Variants in KDM5D observed in about 807,000 individuals in gnomAD.
The protein encoded by KDM5D is lysine demethylase 5D, also known as lysine-specific demethylase 5D.
In KDM5D, 25 loss-of-function variants were observed where a neutral mutation model predicts 31.9. The ratio of observed to expected loss-of-function variants is 0.78; its 90% CI spans 0.57 to 1.09. The LOEUF (loss-of-function observed/expected upper bound fraction) is 1.09. Among genes scored for constraint, KDM5D ranks in the 50% least tolerant of loss-of-function variants. KDM5D has a pLI of 0.00. For missense variants in KDM5D, 366 were observed against 341.6 expected, an observed-to-expected ratio of 1.07 and a Z score of -0.56; for synonymous variants, 146 against 122.3, an observed-to-expected ratio of 1.19 and a Z score of -1.28.
chrY:19,717,055 TCAAA>T (rs2045354676), intron 13 of KDM5D, among the ~76,000 whole-genome samples: 1 of 33,153 alleles, frequency 3.0e-5, no homozygotes. Context: ...GTCCCTCTAC[TCAAA>T]CAATGATCTA....
intron 8 of KDM5D, among the ~76,000 whole-genome samples, chrY:19,733,927 A>C: frequency 3.0e-5 from 1 of 33,438 alleles, no homozygotes. Flanking sequence ...TCATAAAATA[A>C]AAATCTTTTA....
At chrY:19,727,169 A>T in intron 11 of KDM5D, among the ~76,000 whole-genome samples, 1 of 33,855 alleles carries the variant, frequency 3.0e-5, no homozygotes, top group African/African-American at 1.1e-4. Context: ...ACCATAAAAG[A>T]GAAAATTTGG....
intron 1 of KDM5D, 49 bp from the exon 2 acceptor site, chrY:19,744,602 A>C: frequency 5.6e-5 from 13 of 234,125 alleles, no homozygotes; most frequent in Non-Finnish European, 8.0e-5. Context: ...GGTTCCTCCT[A>C]CTAAAAGGCC....
intron 18 of KDM5D, among the ~76,000 whole-genome samples, chrY:19,711,588 G>A (rs748493460): frequency 6.4e-5 from 2 of 31,486 alleles, no homozygotes; most frequent in Admixed American, 5.8e-4. Context: ...GGCTGAGGCA[G>A]GATAATGGCC....
At chrY:19,718,966 C>T (rs372748433) in intron 13 of KDM5D, among the ~76,000 whole-genome samples, 4,618 of 31,678 alleles carry the variant, frequency 0.15, no homozygotes, top group African/African-American at 0.57. Flanking sequence ...GTCAGGAGAT[C>T]GAGACCATCC....
At chrY:19,728,814 T>G in intron 11 of KDM5D, among the ~76,000 whole-genome samples, 1 of 33,365 alleles carries the variant, frequency 3.0e-5, no homozygotes. Flanking sequence ...TTTAAAAACA[T>G]GCACAAAAAT....
chrY:19,725,511 C>T (rs990552850), intron 11 of KDM5D, among the ~76,000 whole-genome samples: 1 of 33,527 alleles, frequency 3.0e-5, no homozygotes, highest in Admixed American at 2.7e-4. Flanking sequence ...AAAGCTAAAA[C>T]TTGATCCCTT....
Position 19,705,791 on chromosome Y carries a change from T to C in KDM5D, c.*204A>G, listed in dbSNP as rs2045221934. On this transcript the variant is annotated 3_prime_UTR_variant, in exon 27 of 27. Transcript: ENST00000317961. The stretch of plus-strand genomic sequence containing the variant: ...TCACTCCTGTATGCTAGCAGGAATG[T>C]TGCTGGCAAGACACTTCTGAGCATC... The C allele has an allele frequency of 7.2e-6, 1 of 139,256 alleles. No individual in the cohort carries two copies. The highest frequency in any genetic ancestry group is 1.3e-4 in the Admixed American group (1 of 7,692). 34.7% of individuals were successfully genotyped at this position (139,256 alleles called of 400,897 possible).
chrY:19,707,092 G>A, intron 24 of KDM5D, 55 bp downstream of exon 24: 1 of 381,183 alleles, frequency 2.6e-6, no homozygotes, highest in Non-Finnish European at 3.7e-6. Flanking sequence ...GCTACAAGAA[G>A]GACAGGGGCT....
chrY:19,742,923 G>A, intron 3 of KDM5D, among the ~76,000 whole-genome samples: 1 of 33,747 alleles, frequency 3.0e-5, no homozygotes, highest in African/African-American at 1.2e-4. Context: ...ATTGAACAGC[G>A]AAACAATGCA....
chrY:19,741,690 A>G (rs755896540), intron 4 of KDM5D, 45 bp downstream of exon 4: 1 of 367,475 alleles, frequency 2.7e-6, no homozygotes, highest in Non-Finnish European at 3.9e-6. Context: ...AAGATCCTTG[A>G]GGCAAGGCTT....
chrY:19,741,790 G>A lies in KDM5D; in HGVS notation c.296C>T (p.Ser99Phe). Residue 99 changes from serine (S) to phenylalanine (F), a missense_variant, in exon 4 of 27, where the codon TCT (serine) becomes TTT (phenylalanine). Ser to Phe is a radical substitution (Grantham distance 155, BLOSUM62 -2). Coordinates refer to ENST00000317961, the MANE Select transcript of KDM5D (RefSeq NM_004653.5). Reference protein sequence around the residue: ...IAKFWEIQGSSLKIPNVERKI... With the variant: ...IAKFWEIQGSFLKIPNVERKI... ...CCGCTCCACATTGGGAATCTTTAAA[G>A]AGGAGCCTTGAATTTCCCAGAATTT... 1 of 386,623 alleles carries A rather than the reference G, an allele frequency of 2.6e-6. No homozygotes were observed. Among genetic ancestry groups the A allele is most frequent in the Non-Finnish European group, 3.7e-6 (1 of 272,684 alleles).
intron 5 of KDM5D, among the ~76,000 whole-genome samples, chrY:19,740,535 A>T: frequency 3.0e-5 from 1 of 33,523 alleles, no homozygotes; most frequent in South Asian, 6.6e-4. Flanking sequence ...CCTCAAAAAC[A>T]AAACAAACAA....
intron 23 of KDM5D, 74 bp from the exon 24 acceptor site, chrY:19,707,820 C>G: frequency 2.6e-6 from 1 of 385,914 alleles, no homozygotes; most frequent in Non-Finnish European, 3.6e-6. Flanking sequence ...TAATGCCCAG[C>G]TCCCAAACCA....
intron 7 of KDM5D, 59 bp downstream of exon 7, chrY:19,735,562 T>G: frequency 4.3e-5 from 17 of 397,244 alleles, no homozygotes; most frequent in Non-Finnish European, 6.0e-5. Context: ...AAACTATTTC[T>G]CCCATGAAAC....
intron 11 of KDM5D, 91 bp downstream of exon 11, chrY:19,731,681 C>A: frequency 8.9e-6 from 2 of 225,242 alleles, no homozygotes; most frequent in Non-Finnish European, 1.5e-5. Flanking sequence ...TATGTGAAGA[C>A]AACACTGTGT....
Position 19,706,604 on chromosome Y carries a change from G to A in KDM5D, c.4106C>T (p.Thr1369Ile). Residue 1369 changes from threonine (T) to isoleucine (I), a missense_variant, in exon 26 of 27, where the codon ACT becomes ATT. Thr to Ile is a moderately conservative substitution (Grantham distance 89, BLOSUM62 -1). Coordinates refer to ENST00000317961, the MANE Select transcript of KDM5D (RefSeq NM_004653.5). ...ELLSSLLPQL[T>I]GPVLELPEAI... ...CTCAGGCAGCTCCAACACAGGGCCA[G>A]TCAACTGCGGCAACAGTGAGGACAG... 2.5e-6 allele frequency: 1 copy of A among 398,955 alleles called. No individual in the cohort carries two copies. The highest frequency in any genetic ancestry group is 3.5e-6 in the Non-Finnish European group (1 of 283,578).
At chrY:19,737,731 C>T (rs2045520034) in intron 6 of KDM5D, among the ~76,000 whole-genome samples, 1 of 33,388 alleles carries the variant, frequency 3.0e-5, no homozygotes, top group Admixed American at 2.7e-4. Context: ...ATGTGTTAGT[C>T]CTTATTTCTC....
At chrY:19,710,063 T>C in intron 19 of KDM5D, 1 of 354,363 alleles carries the variant, frequency 2.8e-6, no homozygotes, top group Non-Finnish European at 3.8e-6. Flanking sequence ...TCTAGTAAGC[T>C]TTCTAAGACT....
Sources: gnomAD v4.1 joint callset for allele counts (sites outside exome capture counted in the v4.1 genomes callset) on GRCh38, gnomAD v4.1.1 for gene constraint, MANE v1.5 for transcripts, NCBI Gene and HGNC (gene_info 2026-07-23, HGNC 2026-07-21) for gene names.